NIT2: variants seen among roughly 807,000 people sequenced by gnomAD.
NIT2 encodes nitrilase family member 2, also known as omega-amidase NIT2.
NIT2 carries 46 observed loss-of-function variants against 42.7 expected under a neutral mutation model. That is an observed-to-expected ratio of 1.08 (90% CI 0.85 to 1.38). NIT2 has a LOEUF of 1.38. NIT2 is among the 40% of genes most tolerant of loss of function. The probability of loss-of-function intolerance (pLI) is 0.00; values close to 1 mark genes in which losing one functional copy is unlikely to be tolerated. For synonymous variants in NIT2, 123 were observed against 121.9 expected (o/e 1.01, Z -0.06); for missense variants, 309 against 342.5 (o/e 0.90, Z 0.77).
chr3:100,335,328 A>G (rs1014023018), intron 1 of NIT2, among the ~76,000 whole-genome samples: 44 of 152,318 alleles, frequency 2.9e-4, no homozygotes, highest in African/African-American at 9.1e-4. Context: ...GATGTTAATG[A>G]TACCTCACAC....
intron 7 of NIT2, chr3:100,350,035 C>T (rs1245932070): frequency 6.6e-6 from 1 of 152,184 alleles, no homozygotes; most frequent in Non-Finnish European, 1.5e-5. Context: ...TATTCACCTG[C>T]CACCAAGATG....
chr3:100,344,367 G>T (rs1359132996), intron 4 of NIT2, among the ~76,000 whole-genome samples: 1 of 152,088 alleles, frequency 6.6e-6, no homozygotes, highest in Non-Finnish European at 1.5e-5. Flanking sequence ...CTTTTATTTT[G>T]TCCAGAGTTC....
chr3:100,352,462 T>G lies in NIT2; in HGVS notation c.643T>G (p.Ser215Ala). ...TASPARDDKA[S>A]YVAWGHSTVV... Reference sequence around the variant, plus strand: ...CTCTCCTGCCCGGGATGACAAAGCCTCCTATGTTGCCTGGGGACACAGCAC... The same window carrying G: ...CTCTCCTGCCCGGGATGACAAAGCCGCCTATGTTGCCTGGGGACACAGCAC... The change falls in exon 8 of 10, where the codon TCC becomes GCC. Residue 215 changes from serine to alanine, a missense_variant. Coordinates refer to ENST00000394140, the MANE Select transcript of NIT2 (RefSeq NM_020202.5). 6.2e-7 allele frequency: 1 copy of G among 1,613,620 alleles called. No homozygotes were observed. Among genetic ancestry groups the G allele is most frequent in the Non-Finnish European group, 8.5e-7 (1 of 1,179,626 alleles).
intron 6 of NIT2, among the ~76,000 whole-genome samples, chr3:100,347,816 A>G (rs1706232812): frequency 6.6e-6 from 1 of 152,190 alleles, no homozygotes; most frequent in African/African-American, 2.4e-5. Context: ...AGTGAAAAGT[A>G]CACACTCAAA....
intron 5 of NIT2, 135 bp downstream of exon 5, chr3:100,345,813 C>T: frequency 1.5e-6 from 1 of 663,526 alleles, no homozygotes; most frequent in Non-Finnish European, 2.6e-6. Context: ...AGAGAATCAT[C>T]ACAGATCTGG....
At chr3:100,346,609 G>A (rs1204625619) in intron 6 of NIT2, among the ~76,000 whole-genome samples, 1 of 152,194 alleles carries the variant, frequency 6.6e-6, no homozygotes, top group Non-Finnish European at 1.5e-5. Context: ...AATGTGGTCT[G>A]TGATATTTTG....
At position 100,341,100 on chromosome 3, in the gene NIT2, A is replaced by G. The variant is rs770853125; in HGVS notation, c.275A>G (p.Lys92Arg). Residue 92 changes from lysine to arginine, a missense_variant, in exon 4 of 10, where the codon AAA becomes AGA. By Grantham distance (26) the Lys-to-Arg change is conservative (BLOSUM62 2). Transcript: ENST00000394140. ...TCTATCCCTGAAGAGGATGCTGGGA[A>G]ATTATATAACACCTGTGCTGTGTTT... ...GGSIPEEDAG[K>R]LYNTCAVFGP... 16 of 1,613,340 alleles carry G rather than the reference A, an allele frequency of 9.9e-6. No individual in the cohort carries two copies. The South Asian group carries it at 1.6e-4, about 17-fold the overall frequency.
At chr3:100,351,643 C>T (rs1706275213) in intron 7 of NIT2, among the ~76,000 whole-genome samples, 1 of 152,188 alleles carries the variant, frequency 6.6e-6, no homozygotes, top group African/African-American at 2.4e-5. Context: ...GGACCTAAAA[C>T]CATAAAAACC....
In NIT2 at chr3:100,355,159, C is replaced by G; in HGVS notation, c.740-18C>G. Reference sequence around the variant, plus strand: ...GGAGTTGCAAATTATTAATAGTGCACTTTCCTGTTTTTTGCAGACCTGAAG... The same window carrying G: ...GGAGTTGCAAATTATTAATAGTGCAGTTTCCTGTTTTTTGCAGACCTGAAG... On this transcript the variant is annotated intron_variant, in intron 9 of 9. Transcript: ENST00000394140. 7 of 1,603,994 alleles carry G rather than the reference C, an allele frequency of 4.4e-6. No homozygotes were observed. The highest frequency in any genetic ancestry group is 6.0e-6 in the Non-Finnish European group (7 of 1,171,310).
Position 100,361,083 on chromosome 3 carries a change from T to G in NIT2, c.*5815T>G, listed in dbSNP as rs1219306927. On this transcript the variant is annotated 3_prime_UTR_variant, in exon 10 of 10. Transcript: ENST00000394140. ...TCTGTTGTCTGACCCAGGAGTCTCA[T>G]GTCTTCTGCCAGCATTCAGAAAACT... The G allele has an allele frequency of 6.5e-6, 1 of 153,020 alleles. No homozygotes were observed. Among genetic ancestry groups the G allele is most frequent in the Non-Finnish European group, 1.5e-5 (1 of 68,046 alleles). The allele number at this position is 153,020 out of a possible 1,614,324, so 9.5% of individuals were successfully genotyped here.
intron 1 of NIT2, among the ~76,000 whole-genome samples, chr3:100,336,315 C>T (rs1706070813): frequency 6.6e-6 from 1 of 152,086 alleles, no homozygotes; most frequent in African/African-American, 2.4e-5. Context: ...TTCGGGCAGG[C>T]CATTACTAAT....
chr3:100,339,298 C>A (rs1242001792), intron 2 of NIT2, 93 bp downstream of exon 2: 13 of 819,994 alleles, frequency 1.6e-5, no homozygotes, highest in Non-Finnish European at 2.8e-5. Context: ...ATCCTGGGGT[C>A]CAGCAGTGTC....
chr3:100,334,761 C>G lies in NIT2; in HGVS notation c.-31C>G. On this transcript the variant is annotated 5_prime_UTR_variant, in exon 1 of 10. Transcript: ENST00000394140. The stretch of plus-strand genomic sequence containing the variant: ...TCCGCCGGATCTCCAGCGCTCAGTC[C>G]GCGCCGCAGGTGGTGCTTGTCTGCA... 2 of 1,302,586 alleles carry G rather than the reference C, an allele frequency of 1.5e-6. No individual in the cohort carries two copies. Among genetic ancestry groups the G allele is most frequent in the Non-Finnish European group, 2.0e-6 (2 of 1,020,000 alleles). 80.7% of individuals were successfully genotyped at this position (1,302,586 alleles called of 1,614,324 possible).
chr3:100,360,110 T>C lies in NIT2; in HGVS notation c.*4842T>C, dbSNP rs1316820742. 1.3e-5 allele frequency: 2 copies of C among 152,182 alleles called. No homozygotes were observed. The highest frequency in any genetic ancestry group is 2.9e-5 in the Non-Finnish European group (2 of 68,034). 9.4% of individuals were successfully genotyped at this position (152,182 alleles called of 1,614,324 possible). The stretch of plus-strand genomic sequence containing the variant: ...CACCATCATGAGTGCTTAGTAAATG[T>C]TGAGTTGGAATGAATTTATTCCTAC... On this transcript the variant is annotated 3_prime_UTR_variant, in exon 10 of 10. Transcript: ENST00000394140.
chr3:100,345,474 T>A (rs1348787670), intron 4 of NIT2, 111 bp from the exon 5 acceptor site: 7 of 711,616 alleles, frequency 9.8e-6, no homozygotes, highest in Non-Finnish European at 1.7e-5. Flanking sequence ...GGGTGCTGTT[T>A]GTATAGTTAA....
rs1015550849 is a variant in NIT2, at chr3:100,361,370, C to T, written c.*6102C>T. The T allele has an allele frequency of 6.6e-6, 1 of 152,168 alleles. No homozygotes were observed. Among genetic ancestry groups the T allele is most frequent in the Non-Finnish European group, 1.5e-5 (1 of 68,056 alleles). The allele number at this position is 152,168 out of a possible 1,614,324, so 9.4% of individuals were successfully genotyped here. ...TCATAGCCTTCCAGGACAACACTTG[C>T]ACAGGTTATCTTTAAGCACCAACAA... On this transcript the variant is annotated 3_prime_UTR_variant, in exon 10 of 10. Transcript: ENST00000394140.
At chr3:100,338,003 C>G (rs1302630056) in intron 1 of NIT2, among the ~76,000 whole-genome samples, 1 of 152,104 alleles carries the variant, frequency 6.6e-6, no homozygotes, top group East Asian at 1.9e-4. Context: ...CTGAGTAGGT[C>G]AAGGCTGCAG....
chr3:100,354,487 G>A (rs1337742998), intron 8 of NIT2, among the ~76,000 whole-genome samples: 2 of 152,160 alleles, frequency 1.3e-5, no homozygotes, highest in Admixed American at 6.5e-5. Context: ...GATAACCACC[G>A]TCTCCTAGTG....
At chr3:100,336,298 T>A (rs1312483217) in intron 1 of NIT2, among the ~76,000 whole-genome samples, 2 of 152,128 alleles carry the variant, frequency 1.3e-5, no homozygotes, top group Admixed American at 1.3e-4. Context: ...AGAGGTGGGA[T>A]GGGAAGTTCG....
Sources: allele counts gnomAD v4.1 joint callset (sites outside exome capture counted in the v4.1 genomes callset), GRCh38; gene constraint gnomAD v4.1.1; transcripts MANE v1.5; gene names NCBI Gene and HGNC (gene_info 2026-07-23, HGNC 2026-07-21).